The following AOX1 variants were observed in gnomAD, a reference collection of about 807,000 sequenced individuals.
AOX1 encodes the protein aldehyde oxidase.
Under a neutral mutation model 169.5 loss-of-function variants are expected in AOX1, and 153 were observed. The ratio of observed to expected loss-of-function variants is 0.90; its 90% CI spans 0.79 to 1.03. The LOEUF (loss-of-function observed/expected upper bound fraction) is 1.03. Ranked by LOEUF, AOX1 falls within the 50% of genes least tolerant of loss-of-function variation. The probability of loss-of-function intolerance (pLI) is 0.00; values close to 1 mark genes in which losing one functional copy is unlikely to be tolerated. For missense variants in AOX1, 1,656 were observed against 1,663.9 expected, an observed-to-expected ratio of 1.00 and a Z score of 0.08; for synonymous variants, 562 against 581.9, an observed-to-expected ratio of 0.97 and a Z score of 0.49.
At position 200,669,450 on chromosome 2, in the gene AOX1, C is replaced by CAA. The variant is rs113983422; in HGVS notation, c.3799-113_3799-112dup. 522 of 879,628 alleles carry CAA rather than the reference C, an allele frequency of 5.9e-4. 1 individual carries two copies. Among genetic ancestry groups the CAA allele is most frequent in the African/African-American group, 2.2e-3 (117 of 53,432 alleles). The allele number at this position is 879,628 out of a possible 1,614,324, so 54.5% of individuals were successfully genotyped here. On this transcript the variant is annotated intron_variant, in intron 33 of 34. Coordinates refer to ENST00000374700, the MANE Select transcript of AOX1 (RefSeq NM_001159.4). ...TGGGCAACAGAGCCAGACTCTGTCT[C>CAA]AAAAAAAAAAAAATGTACATATGTA...
chr2:200,603,453 C>T, intron 7 of AOX1, 97 bp downstream of exon 7: 1 of 900,396 alleles, frequency 1.1e-6, no homozygotes, highest in Non-Finnish European at 1.8e-6. Context: ...AGTTGACTAA[C>T]TTGAGGTATG....
chr2:200,673,604 C>A (rs1229455422), downstream of AOX1, among the ~76,000 whole-genome samples: 2 of 152,216 alleles, frequency 1.3e-5, no homozygotes, highest in Non-Finnish European at 2.9e-5. Flanking sequence ...TTCCTTCCAA[C>A]CATTCTCACA....
At position 200,666,722 on chromosome 2, in the gene AOX1, C is replaced by G; in HGVS notation, c.3579C>G (p.Cys1193Trp). The G allele has an allele frequency of 6.2e-7, 1 of 1,610,138 alleles. No homozygotes were observed. ...CAGACATTGTCATGGATGTTGGCTG[C>G]AGTATAAATCCAGCCATTGACATAG... The part of the protein sequence containing the change: ...IRTDIVMDVG[C>W]SINPAIDIGQ... The change falls in exon 32 of 35, where the codon TGC (cysteine) becomes TGG (tryptophan). Residue 1193 changes from cysteine to tryptophan, a missense_variant. Cys to Trp is a radical substitution (Grantham distance 215, BLOSUM62 -2). Coordinates refer to ENST00000374700, the MANE Select transcript of AOX1 (RefSeq NM_001159.4).
intron 4 of AOX1, among the ~76,000 whole-genome samples, chr2:200,598,000 G>A (rs1272506157): frequency 5.9e-5 from 9 of 152,062 alleles, no homozygotes; most frequent in African/African-American, 1.9e-4. Context: ...CTGGCTACTC[G>A]GGGGTGCTGA....
At chr2:200,650,443 T>C (rs1368071860) in intron 25 of AOX1, among the ~76,000 whole-genome samples, 1 of 152,204 alleles carries the variant, frequency 6.6e-6, no homozygotes, top group Non-Finnish European at 1.5e-5. Context: ...GCTTAGGGTC[T>C]TAGTCACCAA....
At chr2:200,631,007 T>G (rs758047299) in intron 20 of AOX1, among the ~76,000 whole-genome samples, 1 of 151,052 alleles carries the variant, frequency 6.6e-6, no homozygotes, top group Admixed American at 6.6e-5. Context: ...ACTTAAAAGT[T>G]GAAGGAAAAA....
chr2:200,586,081 G>A lies in AOX1; in HGVS notation c.-28G>A. The A allele has an allele frequency of 6.5e-7, 1 of 1,549,924 alleles. No homozygotes were observed. Among genetic ancestry groups the A allele is most frequent in the South Asian group, 1.2e-5 (1 of 84,010 alleles). On this transcript the variant is annotated 5_prime_UTR_variant, in exon 1 of 35. Transcript: ENST00000374700. ...TCCCAGAACCTCCGCCTCCCGCTCC[G>A]GGCCCTCGAACCAGCGCGGACACCA... is the stretch of plus-strand genomic sequence containing the variant.
intron 4 of AOX1, 51 bp from the exon 5 acceptor site, chr2:200,599,569 G>A (rs1162097892): frequency 4.0e-6 from 6 of 1,487,860 alleles, no homozygotes; most frequent in Admixed American, 3.7e-5. Flanking sequence ...AATTCATTAG[G>A]CCTGGGATGG....
intron 25 of AOX1, among the ~76,000 whole-genome samples, chr2:200,646,456 T>C (rs2035454568): frequency 6.6e-6 from 1 of 152,166 alleles, no homozygotes; most frequent in African/African-American, 2.4e-5. Context: ...CTTAAATGTA[T>C]TGAGCTTGTT....
chr2:200,672,794 T>A (rs1455165402), downstream of AOX1, among the ~76,000 whole-genome samples: 3 of 152,134 alleles, frequency 2.0e-5, no homozygotes, highest in African/African-American at 7.2e-5. Context: ...AAAGCCCTCC[T>A]GAGGAAATGA....
chr2:200,614,044 A>G, intron 15 of AOX1, 78 bp downstream of exon 15: 1 of 1,314,434 alleles, frequency 7.6e-7, no homozygotes, highest in East Asian at 2.3e-5. Context: ...ATGACTCCCT[A>G]CCAAATAGCT....
At chr2:200,678,129 T>C (rs992512493), downstream of AOX1, 10 of 152,238 alleles carry the variant, frequency 6.6e-5, no homozygotes, top group Admixed American at 3.3e-4. Context: ...TTCTAGAATT[T>C]CTCTGTTAAA....
At chr2:200,614,101 A>AGGGATGTTCAGC in intron 15 of AOX1, 135 bp downstream of exon 15, 2 of 817,302 alleles carry the variant, frequency 2.4e-6, no homozygotes, top group Non-Finnish European at 3.7e-6. Context: ...GTACTTGCTG[A>AGGGATGTTCAGC]ACATCCCTCA....
chr2:200,651,946 TAC>T (rs984150884), intron 26 of AOX1, among the ~76,000 whole-genome samples: 2 of 152,154 alleles, frequency 1.3e-5, no homozygotes, highest in African/African-American at 2.4e-5. Flanking sequence ...TTTTATTACA[TAC>T]ACACATCCAT....
At chr2:200,643,386 T>C (rs2347864) in intron 25 of AOX1, among the ~76,000 whole-genome samples, 16,909 of 149,346 alleles carry the variant, frequency 0.11, 1,625 homozygotes, top group East Asian at 0.25. Context: ...TATATATATA[T>C]ACACACACAC....
At chr2:200,601,231 G>A (rs1266057123) in intron 5 of AOX1, among the ~76,000 whole-genome samples, 10 of 152,064 alleles carry the variant, frequency 6.6e-5, no homozygotes, top group Non-Finnish European at 1.5e-4. Context: ...TACTACATGA[G>A]CCCACTTATA....
downstream of AOX1, among the ~76,000 whole-genome samples, chr2:200,673,978 G>C (rs2036061529): frequency 6.6e-6 from 1 of 152,196 alleles, no homozygotes; most frequent in East Asian, 1.9e-4. Context: ...TGAGGATCTT[G>C]TGAAAACACA....
chr2:200,639,099 T>A (rs2105744829), intron 23 of AOX1, among the ~76,000 whole-genome samples: 1 of 152,338 alleles, frequency 6.6e-6, no homozygotes, highest in East Asian at 1.9e-4. Flanking sequence ...AGCTCCATAG[T>A]CGTATTAGCT....
chr2:200,658,915 C>A (rs980985560), intron 27 of AOX1, among the ~76,000 whole-genome samples: 8 of 152,174 alleles, frequency 5.3e-5, no homozygotes, highest in African/African-American at 1.9e-4. Flanking sequence ...TGGCCTGGGG[C>A]CTCACCTCCT....
Sources: allele counts gnomAD v4.1 joint callset (sites outside exome capture counted in the v4.1 genomes callset), GRCh38; gene constraint gnomAD v4.1.1; transcripts MANE v1.5; gene names NCBI Gene and HGNC (gene_info 2026-07-23, HGNC 2026-07-21).